RANGAP1: variants seen among roughly 807,000 people sequenced by gnomAD.
The protein encoded by RANGAP1 is ran GTPase-activating protein 1.
A neutral mutation model predicts 63.5 loss-of-function variants in RANGAP1; 38 were observed. The observed-to-expected ratio is 0.60, with a 90% confidence interval of 0.46 to 0.78. RANGAP1 has a LOEUF of 0.78. Ranked by LOEUF, RANGAP1 falls within the 30% of genes least tolerant of loss-of-function variation. The pLI, the probability that RANGAP1 is intolerant of heterozygous loss-of-function variation, is 0.00. For missense variants in RANGAP1, 630 were observed against 740.3 expected (o/e 0.85, Z 1.73); for synonymous variants, 329 against 310.5 (o/e 1.06, Z -0.63).
At chr22:41,269,672 G>C (rs117535660) in intron 3 of RANGAP1, among the ~76,000 whole-genome samples, 3,359 of 151,092 alleles carry the variant, frequency 0.022, 54 homozygotes, top group South Asian at 0.034. Flanking sequence ...AAACCGGGAG[G>C]CAGAGGTTGT....
At chr22:41,275,909 G>A (rs372772433) in intron 2 of RANGAP1, among the ~76,000 whole-genome samples, 4 of 152,246 alleles carry the variant, frequency 2.6e-5, no homozygotes, top group South Asian at 2.1e-4. Flanking sequence ...TCATGCCATA[G>A]CACTCCAGCC....
At chr22:41,271,752 T>G (rs143484179) in intron 3 of RANGAP1, among the ~76,000 whole-genome samples, 8 of 151,642 alleles carry the variant, frequency 5.3e-5, no homozygotes, top group African/African-American at 1.9e-4. Context: ...CTACTCCTAG[T>G]TGTGTGACTC....
At chr22:41,267,588 C>T (rs759624337) in intron 4 of RANGAP1, among the ~76,000 whole-genome samples, 2 of 152,116 alleles carry the variant, frequency 1.3e-5, no homozygotes, top group Non-Finnish European at 2.9e-5. Flanking sequence ...ACTGGGAACT[C>T]GACCCAAGCC....
At chr22:41,262,036 G>A (rs766315350) in intron 5 of RANGAP1, among the ~76,000 whole-genome samples, 3 of 152,176 alleles carry the variant, frequency 2.0e-5, no homozygotes, top group African/African-American at 4.8e-5. Flanking sequence ...GTGGACTCTG[G>A]ACCAAAGCCC....
chr22:41,269,594 G>C (rs1028730891), intron 3 of RANGAP1, among the ~76,000 whole-genome samples: 1 of 151,908 alleles, frequency 6.6e-6, no homozygotes, highest in Non-Finnish European at 1.5e-5. Flanking sequence ...AATTAGCCGG[G>C]CATGGTGGTG....
At chr22:41,291,621 G>A in the RANGAP1 span, among the ~76,000 whole-genome samples, 2 of 143,322 alleles carry the variant, frequency 1.4e-5, no homozygotes, top group Middle Eastern at 3.9e-3. Context: ...AAAATAGGCC[G>A]GGCGCAGTGG....
chr22:41,285,853 C>G (rs1245923106), intron 1 of RANGAP1, 133 bp downstream of exon 1: 1 of 369,478 alleles, frequency 2.7e-6, no homozygotes, highest in African/African-American at 2.2e-5. Flanking sequence ...ACCCCTGGGG[C>G]GCTCGGCCGT....
intron 1 of RANGAP1, 188 bp from the exon 2 acceptor site, chr22:41,281,270 G>C (rs2035477244): frequency 1.2e-6 from 1 of 802,466 alleles, no homozygotes; most frequent in Non-Finnish European, 1.7e-6. Flanking sequence ...GCAGGAGGTA[G>C]TAAAAGAACA....
chr22:41,262,070 G>A (rs1273390634), intron 5 of RANGAP1, among the ~76,000 whole-genome samples: 1 of 152,094 alleles, frequency 6.6e-6, no homozygotes, highest in Non-Finnish European at 1.5e-5. Flanking sequence ...TCTCTTCCAC[G>A]TTCCACAATG....
chr22:41,252,305 AAAATAAATAAAT>A (rs971950369), intron 12 of RANGAP1, among the ~76,000 whole-genome samples: 3 of 152,052 alleles, frequency 2.0e-5, no homozygotes, highest in African/African-American at 7.2e-5. Flanking sequence ...CCATCTCAAA[AAAATAAATAAAT>A]AAATAAATAA....
chr22:41,253,666 C>G (rs1470212628), intron 11 of RANGAP1, among the ~76,000 whole-genome samples: 1 of 152,078 alleles, frequency 6.6e-6, no homozygotes, highest in Non-Finnish European at 1.5e-5. Flanking sequence ...AGACAATCCT[C>G]TGGTGGGTGG....
chr22:41,261,198 GC>G (rs1235102763), intron 6 of RANGAP1, among the ~76,000 whole-genome samples: 2 of 152,236 alleles, frequency 1.3e-5, no homozygotes, highest in Non-Finnish European at 1.5e-5. Flanking sequence ...CTGGCCTGAA[GC>G]CCCATAGGGG....
chr22:41,257,904 C>T lies in RANGAP1; in HGVS notation c.774+44G>A. On this transcript the variant is annotated intron_variant, in intron 7 of 15. Coordinates refer to ENST00000356244, the MANE Select transcript of RANGAP1 (RefSeq NM_002883.4). This position sits in a 1 kb window ranked among gnomAD's most constrained non-coding sequence, Gnocchi z 4.0. The stretch of plus-strand genomic sequence containing the variant: ...CTTCCCTGGAAAGACAGCAGCCAGC[C>T]TCTATCTGGCGGGGCCCAACTGGCT... The T allele has an allele frequency of 3.2e-6, 5 of 1,549,818 alleles. No homozygotes were observed. In the South Asian group the frequency reaches 6.1e-5, roughly 19 times the overall value.
intron 3 of RANGAP1, among the ~76,000 whole-genome samples, chr22:41,270,210 G>C (rs986419279): frequency 2.6e-5 from 4 of 151,678 alleles, no homozygotes; most frequent in Non-Finnish European, 4.4e-5. Context: ...GCCTGATGTG[G>C]GCTCCCTGCA....
the RANGAP1 span, among the ~76,000 whole-genome samples, chr22:41,298,462 G>A: frequency 2.0e-5 from 3 of 151,888 alleles, no homozygotes; most frequent in Admixed American, 6.6e-5. Flanking sequence ...TTACAGGTGC[G>A]TGCCACCACA....
intron 3 of RANGAP1, 26 bp from the exon 4 acceptor site, chr22:41,268,182 A>G (rs2145780241): frequency 1.3e-6 from 2 of 1,512,478 alleles, no homozygotes; most frequent in East Asian, 2.5e-5. Context: ...GAGAAGAGTT[A>G]GCGGGAGAGA....
At chr22:41,262,991 C>G (rs367725967) in intron 5 of RANGAP1, among the ~76,000 whole-genome samples, 1 of 152,200 alleles carries the variant, frequency 6.6e-6, no homozygotes, top group Non-Finnish European at 1.5e-5. Flanking sequence ...CAGACCATGG[C>G]GTCTGAGCTC....
chr22:41,291,274 G>C, the RANGAP1 span, among the ~76,000 whole-genome samples: 3 of 152,166 alleles, frequency 2.0e-5, no homozygotes, highest in Admixed American at 6.6e-5. Flanking sequence ...GGTACCAAAT[G>C]GTTTCTGGCA....
chr22:41,250,376 T>C (rs186618618), intron 13 of RANGAP1, among the ~76,000 whole-genome samples: 53 of 152,284 alleles, frequency 3.5e-4, no homozygotes, highest in Admixed American at 8.5e-4. Context: ...CCCCTTTCTA[T>C]CTTTTCCAGG....
Sources: gnomAD v4.1 joint callset for allele counts (sites outside exome capture counted in the v4.1 genomes callset) on GRCh38, gnomAD v4.1.1 for gene constraint, Gnocchi (gnomAD v3.1) non-coding constraint, MANE v1.5 for transcripts, NCBI Gene and HGNC (gene_info 2026-07-23, HGNC 2026-07-21) for gene names.